Variants in ABCB1 observed in about 807,000 individuals in gnomAD.
ABCB1 encodes the protein ATP-dependent translocase ABCB1.
In ABCB1, 69 loss-of-function variants were observed where a neutral mutation model predicts 142.0. The ratio of observed to expected loss-of-function variants is 0.49; its 90% CI spans 0.40 to 0.59. The LOEUF is 0.59. Among genes scored for constraint, ABCB1 ranks in the 20% least tolerant of loss-of-function variants. The probability of loss-of-function intolerance (pLI) is 0.00; values close to 1 mark genes in which losing one functional copy is unlikely to be tolerated. For synonymous variants in ABCB1, 532 were observed against 539.2 expected (o/e 0.99, Z 0.18); for missense variants, 1,326 against 1,554.7 (o/e 0.85, Z 2.47).
Position 87,550,826 on chromosome 7 carries a change from C to A in ABCB1, c.1012G>T (p.Val338Leu), listed in dbSNP as rs773413194. The stretch of plus-strand genomic sequence containing the variant: ...CCAACACTAAAAGCCCCAATTAATA[C>A]AGAAAAGAATACCTGAGGAATGTGA... ...IGQVLTVFFS[V>L]LIGAFSVGQA... Residue 338 changes from valine to leucine, a missense_variant, in exon 10 of 28, where the codon GTA becomes TTA. Transcript: ENST00000622132. 29 of 1,609,378 alleles carry A rather than the reference C, an allele frequency of 1.8e-5. No individual in the cohort carries two copies. The highest frequency in any genetic ancestry group is 2.3e-5 in the Non-Finnish European group (27 of 1,175,800).
At chr7:87,668,547 A>T (rs1825502627) in intron 1 of ABCB1, among the ~76,000 whole-genome samples, 1 of 151,468 alleles carries the variant, frequency 6.6e-6, no homozygotes, top group Admixed American at 6.6e-5. Context: ...GTTCTTGCCT[A>T]ATTCTTTCAG....
chr7:87,684,746 C>CAAAAAAAAAAAAAAAAAA (rs71524694), intron 1 of ABCB1, among the ~76,000 whole-genome samples: 9 of 37,792 alleles, frequency 2.4e-4, no homozygotes, highest in Admixed American at 4.1e-4. Context: ...GACTCCGTCT[C>CAAAAAAAAAAAAAAAAAA]AAAAAAAAAA....
At chr7:87,504,617 A>G (rs1186744) in intron 27 of ABCB1, among the ~76,000 whole-genome samples, 168 bp from the exon 28 acceptor site, 4,635 of 152,240 alleles carry the variant, frequency 0.03, 62 homozygotes, top group Non-Finnish European at 0.033. Flanking sequence ...CATCCTGGCT[A>G]ACACGGTGAA....
chr7:87,538,634 C>G (rs1004058005), intron 19 of ABCB1, among the ~76,000 whole-genome samples: 1 of 152,182 alleles, frequency 6.6e-6, no homozygotes, highest in African/African-American at 2.4e-5. Context: ...GTTAAAGGAA[C>G]TTTCCCCTTT....
At chr7:87,546,571 A>T (rs1044953530) in intron 14 of ABCB1, among the ~76,000 whole-genome samples, 3 of 144,988 alleles carry the variant, frequency 2.1e-5, no homozygotes, top group Middle Eastern at 3.3e-3. Flanking sequence ...AAAAAAATAA[A>T]AAATAAAAAA....
chr7:87,614,552 C>A (rs1419753751), intron 1 of ABCB1, among the ~76,000 whole-genome samples: 1 of 152,200 alleles, frequency 6.6e-6, no homozygotes, highest in Non-Finnish European at 1.5e-5. Context: ...CATTTCAGTT[C>A]ATGACCTTGC....
At chr7:87,693,804 A>G in intron 1 of ABCB1, 1 of 1,073,970 alleles carries the variant, frequency 9.3e-7, no homozygotes, top group Non-Finnish European at 1.4e-6. Context: ...CTGCTTCAAA[A>G]TTATATGTAG....
chr7:87,712,517 G>T (rs2130748749), intron 1 of ABCB1, among the ~76,000 whole-genome samples: 1 of 152,128 alleles, frequency 6.6e-6, no homozygotes, highest in Middle Eastern at 3.4e-3. Context: ...TCAAAGTTAT[G>T]ATAGTCTTTT....
intron 8 of ABCB1, 27 bp downstream of exon 8, chr7:87,561,236 C>A (rs566606575): frequency 9.3e-6 from 15 of 1,612,698 alleles, no homozygotes; most frequent in Middle Eastern, 3.3e-4. Flanking sequence ...TTTAACATAT[C>A]TATCCATTTA....
chr7:87,590,998 T>G (rs1818978754), intron 3 of ABCB1, among the ~76,000 whole-genome samples: 1 of 152,232 alleles, frequency 6.6e-6, no homozygotes, highest in South Asian at 2.1e-4. Flanking sequence ...CCCAGGAACC[T>G]GTGAATATAT....
chr7:87,557,539 G>A (rs1817358525), intron 8 of ABCB1, among the ~76,000 whole-genome samples: 1 of 152,204 alleles, frequency 6.6e-6, no homozygotes, highest in Non-Finnish European at 1.5e-5. Context: ...TATATTTTCT[G>A]AAGAAATGAT....
intron 5 of ABCB1, among the ~76,000 whole-genome samples, chr7:87,569,598 G>C (rs897769423): frequency 2.0e-5 from 3 of 151,908 alleles, no homozygotes; most frequent in African/African-American, 7.3e-5. Flanking sequence ...ATTTCTTTTG[G>C]CTGCTTTCAT....
intron 1 of ABCB1, among the ~76,000 whole-genome samples, chr7:87,671,133 T>C (rs1437965325): frequency 6.6e-6 from 1 of 152,196 alleles, no homozygotes; most frequent in Non-Finnish European, 1.5e-5. Flanking sequence ...GTCTGTACTG[T>C]GGCCCCAGGC....
chr7:87,516,380 A>C, intron 24 of ABCB1, 129 bp downstream of exon 24: 2 of 1,188,828 alleles, frequency 1.7e-6, no homozygotes, highest in Non-Finnish European at 2.5e-6. Flanking sequence ...AATTGAAAGG[A>C]ATCTATGATC....
In ABCB1 at chr7:87,549,956, C is replaced by A. The variant is rs201650388; in HGVS notation, c.1449G>T (p.Thr483=). The change falls in exon 13 of 28, where the codon ACG becomes ACT. Residue 483 remains threonine (T), a synonymous_variant. Transcript: ENST00000622132. ...GGCCATAGCGAATGTTTTCAGCTAT[C>A]GTGGTGGCAAACAATACAGGTTCCT... ...VSQEPVLFAT[T]IAENIRYGRE... The A allele has an allele frequency of 6.2e-7, 1 of 1,614,200 alleles. No individual in the cohort carries two copies. Among genetic ancestry groups the A allele is most frequent in the Admixed American group, 1.7e-5 (1 of 60,020 alleles).
At chr7:87,531,773 C>T (rs1402520854) in intron 20 of ABCB1, 1 of 400,688 alleles carries the variant, frequency 2.5e-6, no homozygotes, top group African/African-American at 2.0e-5. Context: ...TTAATCACGG[C>T]AACATTACTA....
At position 87,581,851 on chromosome 7, in the gene ABCB1, A is replaced by G. The variant is rs111560926; in HGVS notation, c.286+3661T>C. ...AGGCTCTGGTATCTAGTCCACCCCC[A>G]TGGAGAGATAATGAGGTTCTGCCTA... On this transcript the variant is annotated intron_variant, in intron 4 of 27. Transcript: ENST00000622132. Among the ~76,000 whole-genome samples the G allele has an allele frequency of 7.5e-3, 1,138 of 152,262 alleles. 23 individuals carry two copies. The highest frequency in any genetic ancestry group is 0.027 in the African/African-American group (1,109 of 41,548).
Position 87,539,352 on chromosome 7 carries a change from G to C in ABCB1, c.2320-7C>G, listed in dbSNP as rs200323156. Reference sequence around the variant, plus strand: ...CTTTGCCAAATGTGAAACCCTGTGGGCAGGAACATACCTTGTCAGGGACCC... The same window carrying C: ...CTTTGCCAAATGTGAAACCCTGTGGCCAGGAACATACCTTGTCAGGGACCC... On this transcript the variant is annotated splice_polypyrimidine_tract_variant and splice_region_variant and intron_variant, in intron 18 of 27. Transcript: ENST00000622132. The C allele has an allele frequency of 2.1e-5, 34 of 1,613,802 alleles. 1 individual carries two copies. The highest frequency in any genetic ancestry group is 2.4e-5 in the Non-Finnish European group (28 of 1,179,828).
At chr7:87,582,182 T>C (rs753849371) in intron 4 of ABCB1, among the ~76,000 whole-genome samples, 1 of 151,658 alleles carries the variant, frequency 6.6e-6, no homozygotes, top group Admixed American at 6.6e-5. Flanking sequence ...AAATAAGGAG[T>C]GGCAGTGAGG....
Sources: allele counts gnomAD v4.1 joint callset (sites outside exome capture counted in the v4.1 genomes callset), GRCh38; gene constraint gnomAD v4.1.1; transcripts MANE v1.5; gene names NCBI Gene and HGNC (gene_info 2026-07-23, HGNC 2026-07-21).